Variants in STUB1 observed in about 807,000 individuals in gnomAD.
STUB1 encodes the protein E3 ubiquitin-protein ligase CHIP.
STUB1 carries 37 observed loss-of-function variants against 40.3 expected under a neutral mutation model. That is an observed-to-expected ratio of 0.92 (90% CI 0.71 to 1.21). STUB1 has a LOEUF of 1.21. Among genes scored for constraint, STUB1 ranks in the 50% most tolerant of loss-of-function variants. The pLI is 0.00. For missense variants in STUB1, 460 were observed against 421.9 expected, an observed-to-expected ratio of 1.09 and a Z score of -0.79; for synonymous variants, 246 against 171.9, an observed-to-expected ratio of 1.43 and a Z score of -3.37.
rs1207538808 is a variant in STUB1 at position 680,461 on chromosome 16, C to G, written c.-65C>G. Reference sequence around the variant, plus strand: ...GCGGGCTCGGGCTGCGGGGCTCCGGCTGCGGGCGCTGGGCCGCGAGGCGCG... The same window carrying G: ...GCGGGCTCGGGCTGCGGGGCTCCGGGTGCGGGCGCTGGGCCGCGAGGCGCG... On this transcript the variant is annotated 5_prime_UTR_variant, in exon 1 of 7. Coordinates refer to ENST00000219548, the MANE Select transcript of STUB1 (RefSeq NM_005861.4). This position sits in a 1 kb window ranked among gnomAD's most constrained non-coding sequence, Gnocchi z 4.9. 2 of 1,165,834 alleles carry G rather than the reference C, an allele frequency of 1.7e-6. No homozygotes were observed. The highest frequency in any genetic ancestry group is 1.1e-6 in the Non-Finnish European group (1 of 944,348). 72.2% of individuals were successfully genotyped at this position (1,165,834 alleles called of 1,614,324 possible). A position where few individuals can be genotyped will look rare whatever the true frequency, so the allele number is the denominator to read the frequency against.
chr16:680,791 C>T lies in STUB1; in HGVS notation c.159+107C>T. 2 of 1,040,490 alleles carry T rather than the reference C, an allele frequency of 1.9e-6. No homozygotes were observed. The highest frequency in any genetic ancestry group is 2.4e-6 in the Non-Finnish European group (2 of 827,208). The allele number at this position is 1,040,490 out of a possible 1,614,324, so 64.5% of individuals were successfully genotyped here. On this transcript the variant is annotated intron_variant, in intron 1 of 6. Transcript: ENST00000219548. The surrounding 1 kb of genome is among the most constrained non-coding windows in gnomAD (Gnocchi z 4.9). ...CTGGCTCCTCTTCGGGGCGTGTCCT[C>T]GGCTCCCAAAGCCCAGCCGTGGTTC...
Position 681,492 on chromosome 16 carries a change from CTCT to C in STUB1, c.416_418del (p.Leu139del). The C allele has an allele frequency of 6.2e-7, 1 of 1,612,644 alleles. No homozygotes were observed. Among genetic ancestry groups the C allele is most frequent in the Non-Finnish European group, 8.5e-7 (1 of 1,179,902 alleles). On this transcript the variant is annotated inframe_deletion, in exon 3 of 7. Transcript: ENST00000219548. The stretch of plus-strand genomic sequence containing the variant: ...AACTTCGGGGACGACATCCCCAGCG[CTCT>C]TCGAATCGCGAAGAAGAAGCGCTGG...
At position 680,421 on chromosome 16, in the gene STUB1, G is replaced by GGGCCC; in HGVS notation, c.-103_-99dup. ...GAAGTTCCGGCGGCGGAGCTGGGCC[G>GGGCCC]GGCCCGAGCGGATCGCGGGCTCGGG... On this transcript the variant is annotated 5_prime_UTR_variant, in exon 1 of 7. Coordinates refer to ENST00000219548, the MANE Select transcript of STUB1 (RefSeq NM_005861.4). The surrounding 1 kb of genome is among the most constrained non-coding windows in gnomAD (Gnocchi z 4.9). The GGGCCC allele has an allele frequency of 4.8e-6, 5 of 1,050,128 alleles. No homozygotes were observed. The highest frequency in any genetic ancestry group is 5.9e-6 in the Non-Finnish European group (5 of 852,938). The allele number at this position is 1,050,128 out of a possible 1,614,324, so 65.1% of individuals were successfully genotyped here. A position where few individuals can be genotyped will look rare whatever the true frequency, so the allele number is the denominator to read the frequency against.
At position 681,134 on chromosome 16, in the gene STUB1, C is replaced by T. The variant is rs1218195336; in HGVS notation, c.160-18C>T. 2 of 1,545,154 alleles carry T rather than the reference C, an allele frequency of 1.3e-6. No individual in the cohort carries two copies. ...TGAGCCTACGCCCTCATGCGGCTGG[C>T]CCGGCCTTGGTCCCTAGACCCGGAA... is the stretch of plus-strand genomic sequence containing the variant. On this transcript the variant is annotated intron_variant, in intron 1 of 6. Transcript: ENST00000219548.
In STUB1 at chr16:681,523, C is replaced by G; in HGVS notation, c.444C>G (p.Asn148Lys). 1 of 1,612,480 alleles carries G rather than the reference C, an allele frequency of 6.2e-7. No homozygotes were observed. Among genetic ancestry groups the G allele is most frequent in the Non-Finnish European group, 8.5e-7 (1 of 1,179,952 alleles). ...GAATCGCGAAGAAGAAGCGCTGGAACAGCATTGAGGAGCGGCGCATCCACC... is the reference window on the plus strand; with the variant it reads ...GAATCGCGAAGAAGAAGCGCTGGAAGAGCATTGAGGAGCGGCGCATCCACC... The part of the protein sequence containing the change: ...ALRIAKKKRW[N>K]SIEERRIHQE... The change falls in exon 3 of 7, where the codon AAC becomes AAG. Residue 148 changes from asparagine to lysine, a missense_variant. Transcript: ENST00000219548.
At position 680,464 on chromosome 16, in the gene STUB1, C is replaced by G; in HGVS notation, c.-62C>G. 1 of 1,167,996 alleles carries G rather than the reference C, an allele frequency of 8.6e-7. No homozygotes were observed. Among genetic ancestry groups the G allele is most frequent in the Non-Finnish European group, 1.1e-6 (1 of 945,702 alleles). The allele number at this position is 1,167,996 out of a possible 1,614,324, so 72.4% of individuals were successfully genotyped here. A position where few individuals can be genotyped will look rare whatever the true frequency, so the allele number is the denominator to read the frequency against. ...GGCTCGGGCTGCGGGGCTCCGGCTG[C>G]GGGCGCTGGGCCGCGAGGCGCGGAG... On this transcript the variant is annotated 5_prime_UTR_variant, in exon 1 of 7. Transcript: ENST00000219548. This position sits in a 1 kb window ranked among gnomAD's most constrained non-coding sequence, Gnocchi z 4.9.
rs1205385548 is a variant in STUB1 at position 681,532 on chromosome 16, G to A, written c.453G>A (p.Glu151=). The A allele has an allele frequency of 1.2e-6, 2 of 1,612,150 alleles. No individual in the cohort carries two copies. Among genetic ancestry groups the A allele is most frequent in the Admixed American group, 1.7e-5 (1 of 59,984 alleles). ...IAKKKRWNSI[E]ERRIHQESEL... Reference sequence around the variant, plus strand: ...AGAAGAAGCGCTGGAACAGCATTGAGGAGCGGCGCATCCACCAGGAGAGCG... The same window carrying A: ...AGAAGAAGCGCTGGAACAGCATTGAAGAGCGGCGCATCCACCAGGAGAGCG... Residue 151 remains glutamate, a synonymous_variant, in exon 3 of 7, where the codon GAG becomes GAA. Transcript: ENST00000219548.
At chr16:681,925 T>C (rs2039675339) in intron 4 of STUB1, 45 bp downstream of exon 4, 2 of 1,612,134 alleles carry the variant, frequency 1.2e-6, no homozygotes, top group Non-Finnish European at 8.5e-7. Flanking sequence ...TGTGTGCACG[T>C]GGCGTGGGAG....
At position 681,562 on chromosome 16, in the gene STUB1, G is replaced by A; in HGVS notation, c.483G>A (p.Leu161=). 7.4e-6 allele frequency: 12 copies of A among 1,611,460 alleles called. No homozygotes were observed. Among genetic ancestry groups the A allele is most frequent in the Non-Finnish European group, 1.0e-5 (12 of 1,179,780 alleles). Residue 161 remains leucine, a synonymous_variant, in exon 3 of 7, where the codon CTG becomes CTA. Transcript: ENST00000219548. ...EERRIHQESE[L]HSYLSRLIAA... ...GGCGCATCCACCAGGAGAGCGAGCT[G>A]CACTCCTACCTCTCCAGGCTCATTG...
At position 680,726 on chromosome 16, in the gene STUB1, GGGAGGGCCGGGCCCGGGCCCGGCC is replaced by G; in HGVS notation, c.159+45_159+68del. The G allele has an allele frequency of 8.4e-7, 1 of 1,197,554 alleles. No homozygotes were observed. Among genetic ancestry groups the G allele is most frequent in the East Asian group, 3.6e-5 (1 of 27,810 alleles). 74.2% of individuals were successfully genotyped at this position (1,197,554 alleles called of 1,614,324 possible). ...GGGGAGGGCGGCGGCGGTGGCACCG[GGGAGGGCCGGGCCCGGGCCCGGCC>G]GGCCCCACCGAGGGTCTGGCTCCTC... On this transcript the variant is annotated intron_variant, in intron 1 of 6. Coordinates refer to ENST00000219548, the MANE Select transcript of STUB1 (RefSeq NM_005861.4). This position sits in a 1 kb window ranked among gnomAD's most constrained non-coding sequence, Gnocchi z 4.9.
chr16:680,728 G>GAGGGCC lies in STUB1; in HGVS notation c.159+45_159+50dup. ...GGAGGGCGGCGGCGGTGGCACCGGG[G>GAGGGCC]AGGGCCGGGCCCGGGCCCGGCCGGC... On this transcript the variant is annotated intron_variant, in intron 1 of 6. Coordinates refer to ENST00000219548, the MANE Select transcript of STUB1 (RefSeq NM_005861.4). The surrounding 1 kb of genome is among the most constrained non-coding windows in gnomAD (Gnocchi z 4.9). 8.4e-7 allele frequency: 1 copy of GAGGGCC among 1,195,876 alleles called. No individual in the cohort carries two copies. Among genetic ancestry groups the GAGGGCC allele is most frequent in the Non-Finnish European group, 1.0e-6 (1 of 962,770 alleles). The allele number at this position is 1,195,876 out of a possible 1,614,324, so 74.1% of individuals were successfully genotyped here. A position where few individuals can be genotyped will look rare whatever the true frequency, so the allele number is the denominator to read the frequency against.
chr16:680,843 A>C lies in STUB1; in HGVS notation c.159+159A>C. On this transcript the variant is annotated intron_variant, in intron 1 of 6. Coordinates refer to ENST00000219548, the MANE Select transcript of STUB1 (RefSeq NM_005861.4). The surrounding 1 kb of genome is among the most constrained non-coding windows in gnomAD (Gnocchi z 4.9). ...CGAGCCCAGCGCCGGGTGCCGGAGAACGAGGGTGCGATGCTGGATGGAGGC... is the reference window on the plus strand; with the variant it reads ...CGAGCCCAGCGCCGGGTGCCGGAGACCGAGGGTGCGATGCTGGATGGAGGC... The C allele has an allele frequency of 4.6e-5, 24 of 517,994 alleles. No individual in the cohort carries two copies. The highest frequency in any genetic ancestry group is 1.6e-4 in the East Asian group (2 of 12,524). The allele number at this position is 517,994 out of a possible 1,614,324, so 32.1% of individuals were successfully genotyped here.
At position 681,597 on chromosome 16, in the gene STUB1, G is replaced by GT; in HGVS notation, c.519dup (p.Glu174Ter). On this transcript the variant is annotated frameshift_variant, in exon 3 of 7. Coordinates refer to ENST00000219548, the MANE Select transcript of STUB1 (RefSeq NM_005861.4). LOFTEE classifies it high-confidence loss of function. ...CTCTCCAGGCTCATTGCCGCGGAGC[G>GT]TGAGAGGTGGGACCCTCACCCCAGG... The GT allele has an allele frequency of 6.2e-7, 1 of 1,607,310 alleles. No homozygotes were observed. Among genetic ancestry groups the GT allele is most frequent in the Non-Finnish European group, 8.5e-7 (1 of 1,177,114 alleles).
In STUB1 at chr16:681,504, C is replaced by A; in HGVS notation, c.425C>A (p.Ala142Glu). 1 of 1,612,614 alleles carries A rather than the reference C, an allele frequency of 6.2e-7. No homozygotes were observed. The highest frequency in any genetic ancestry group is 8.5e-7 in the Non-Finnish European group (1 of 1,179,950). Residue 142 changes from alanine to glutamate, a missense_variant, in exon 3 of 7, where the codon GCG becomes GAG. Coordinates refer to ENST00000219548, the MANE Select transcript of STUB1 (RefSeq NM_005861.4). ...GDDIPSALRIAKKKRWNSIEE... is the reference protein window; with the variant it reads ...GDDIPSALRIEKKKRWNSIEE... ...GACATCCCCAGCGCTCTTCGAATCG[C>A]GAAGAAGAAGCGCTGGAACAGCATT...
chr16:680,787 T>C lies in STUB1; in HGVS notation c.159+103T>C. 1 of 1,022,336 alleles carries C rather than the reference T, an allele frequency of 9.8e-7. No homozygotes were observed. The highest frequency in any genetic ancestry group is 1.2e-6 in the Non-Finnish European group (1 of 818,792). 63.3% of individuals were successfully genotyped at this position (1,022,336 alleles called of 1,614,324 possible). A position where few individuals can be genotyped will look rare whatever the true frequency, so the allele number is the denominator to read the frequency against. On this transcript the variant is annotated intron_variant, in intron 1 of 6. Coordinates refer to ENST00000219548, the MANE Select transcript of STUB1 (RefSeq NM_005861.4). This position sits in a 1 kb window ranked among gnomAD's most constrained non-coding sequence, Gnocchi z 4.9. The stretch of plus-strand genomic sequence containing the variant: ...GGGTCTGGCTCCTCTTCGGGGCGTG[T>C]CCTCGGCTCCCAAAGCCCAGCCGTG...
Position 682,585 on chromosome 16 carries a change from C to G in STUB1, c.*96C>G. 6.4e-7 allele frequency: 1 copy of G among 1,551,134 alleles called. No homozygotes were observed. The highest frequency in any genetic ancestry group is 8.8e-7 in the Non-Finnish European group (1 of 1,139,720). On this transcript the variant is annotated 3_prime_UTR_variant, in exon 7 of 7. Transcript: ENST00000219548. ...TTTATGTTCCTGGCCACCCCGACCG[C>G]TTCCCCCAAGTTCTGCTGTTGGACT...
intron 4 of STUB1, 32 bp from the exon 5 acceptor site, chr16:681,988 C>T (rs560544537): frequency 6.2e-7 from 1 of 1,612,170 alleles, no homozygotes; most frequent in Admixed American, 1.7e-5. Context: ...GGTGGGGTGT[C>T]TCCCCCAAGC....
At position 680,970 on chromosome 16, in the gene STUB1, A is replaced by C; in HGVS notation, c.160-182A>C. The stretch of plus-strand genomic sequence containing the variant: ...GGAAAACTTTACAAAACCAAGTGGA[A>C]TCAAGCGGATAGGCTCAGCCAGTAC... On this transcript the variant is annotated intron_variant, in intron 1 of 6. Transcript: ENST00000219548. The surrounding 1 kb of genome is among the most constrained non-coding windows in gnomAD (Gnocchi z 4.9). 1.4e-6 allele frequency: 1 copy of C among 711,278 alleles called. No individual in the cohort carries two copies. Among genetic ancestry groups the C allele is most frequent in the Non-Finnish European group, 2.3e-6 (1 of 443,928 alleles). The allele number at this position is 711,278 out of a possible 1,614,324, so 44.1% of individuals were successfully genotyped here. A position where few individuals can be genotyped will look rare whatever the true frequency, so the allele number is the denominator to read the frequency against.
Position 680,812 on chromosome 16 carries a change from G to A in STUB1, c.159+128G>A. On this transcript the variant is annotated intron_variant, in intron 1 of 6. Transcript: ENST00000219548. This position sits in a 1 kb window ranked among gnomAD's most constrained non-coding sequence, Gnocchi z 4.9. ...TCCTCGGCTCCCAAAGCCCAGCCGT[G>A]GTTCTCGAGCCCAGCGCCGGGTGCC... 5 of 977,976 alleles carry A rather than the reference G, an allele frequency of 5.1e-6. No individual in the cohort carries two copies. The highest frequency in any genetic ancestry group is 6.6e-6 in the Non-Finnish European group (5 of 761,794). The allele number at this position is 977,976 out of a possible 1,614,324, so 60.6% of individuals were successfully genotyped here. A position where few individuals can be genotyped will look rare whatever the true frequency, so the allele number is the denominator to read the frequency against.
Sources: allele counts gnomAD v4.1 joint callset, GRCh38; gene constraint gnomAD v4.1.1; non-coding constraint Gnocchi (gnomAD v3.1); transcripts MANE v1.5; gene names NCBI Gene and HGNC (gene_info 2026-07-23, HGNC 2026-07-21).